Variants in ITPR1 observed in about 807,000 individuals in gnomAD.
The protein encoded by ITPR1 is inositol 1,4,5-trisphosphate receptor type 1, also known as inositol 1,4,5-trisphosphate-gated calcium channel ITPR1.
A neutral mutation model predicts 318.4 loss-of-function variants in ITPR1; 96 were observed. That is an observed-to-expected ratio of 0.30 (90% confidence interval 0.26 to 0.36). The LOEUF is 0.36. Ranked by LOEUF, ITPR1 falls within the 10% of genes least tolerant of loss-of-function variation. The pLI, the probability that ITPR1 is intolerant of heterozygous loss-of-function variation, is 1.00. For synonymous variants in ITPR1, 1,312 were observed against 1,289.9 expected (o/e 1.02, Z -0.37); for missense variants, 2,440 against 3,460.2 (o/e 0.71, Z 7.40).
At chr3:4,806,377 C>G in intron 55 of ITPR1, 110 bp downstream of exon 55, 2 of 1,075,184 alleles carry the variant, frequency 1.9e-6, no homozygotes, top group Non-Finnish European at 1.4e-6. Flanking sequence ...TGTGCCTGGT[C>G]CACCAAGATT....
At chr3:4,688,267 C>T (rs1352521573) in intron 30 of ITPR1, among the ~76,000 whole-genome samples, 4 of 151,310 alleles carry the variant, frequency 2.6e-5, no homozygotes, top group Admixed American at 1.3e-4. Flanking sequence ...ATTAGCCTTA[C>T]TCTGCAGTGC....
At chr3:4,661,117 TG>T in intron 14 of ITPR1, 30 bp downstream of exon 14, 2 of 1,300,922 alleles carry the variant, frequency 1.5e-6, no homozygotes, top group Non-Finnish European at 2.2e-6. Context: ...TGTCTCCTTT[TG>T]GTCTCGTGTT....
intron 33 of ITPR1, among the ~76,000 whole-genome samples, chr3:4,696,462 G>T (rs563847643): frequency 6.6e-6 from 1 of 152,306 alleles, no homozygotes; most frequent in African/African-American, 2.4e-5. Context: ...ATGTTGCTGA[G>T]TAATTTTCTA....
intron 4 of ITPR1, among the ~76,000 whole-genome samples, chr3:4,627,450 G>A (rs2092868678): frequency 6.6e-6 from 1 of 151,964 alleles, no homozygotes; most frequent in Non-Finnish European, 1.5e-5. Flanking sequence ...GGTGACAGAG[G>A]GAGACTCAGT....
At chr3:4,681,755 A>G (rs775263828) in intron 26 of ITPR1, among the ~76,000 whole-genome samples, 4 of 152,084 alleles carry the variant, frequency 2.6e-5, no homozygotes, top group Non-Finnish European at 5.9e-5. Context: ...AAAGAAGAAT[A>G]GAAAGAGAGA....
At position 4,657,783 on chromosome 3, in the gene ITPR1, C is replaced by T. The variant is rs552918770; in HGVS notation, c.997-341C>T. Among the ~76,000 whole-genome samples, 9 of 151,966 alleles carry T rather than the reference C, an allele frequency of 5.9e-5. No homozygotes were observed. In the South Asian group the frequency reaches 1.9e-3, roughly 32 times the overall value. ...GCCAGCCTGGGCTAATTTTTTGTAT[C>T]TTTAGTAGAGACGGGGTTTCATTAT... On this transcript the variant is annotated intron_variant, in intron 12 of 61. Coordinates refer to ENST00000649015, the MANE Select transcript of ITPR1 (RefSeq NM_001378452.1).
intron 29 of ITPR1, 150 bp downstream of exon 29, chr3:4,684,496 A>C: frequency 7.9e-6 from 5 of 630,456 alleles, no homozygotes; most frequent in Non-Finnish European, 1.4e-5. Flanking sequence ...GGTTAAGCTC[A>C]TGGGTTTTGG....
At position 4,644,154 on chromosome 3, in the gene ITPR1, G is replaced by A. The variant is rs1559599836; in HGVS notation, c.544G>A (p.Val182Met). The stretch of plus-strand genomic sequence containing the variant: ...ATTCCAGGTGGTCATAGGTGACAAG[G>A]TGGTTCTGAACCCCGTCAATGCTGG... ...IGDSVVIGDK[V>M]VLNPVNAGQP... The change falls in exon 8 of 62, where the codon GTG becomes ATG. Residue 182 changes from valine to methionine, a missense_variant. Around this residue, in one of 23 missense-constraint regions of ITPR1, gnomAD observed 186 missense variants for 323.9 expected, o/e 0.57. Coordinates refer to ENST00000649015, the MANE Select transcript of ITPR1 (RefSeq NM_001378452.1). 6.2e-7 allele frequency: 1 copy of A among 1,611,592 alleles called. No individual in the cohort carries two copies. Among genetic ancestry groups the A allele is most frequent in the Non-Finnish European group, 8.5e-7 (1 of 1,178,814 alleles).
intron 44 of ITPR1, among the ~76,000 whole-genome samples, chr3:4,746,961 T>A (rs890186065): frequency 2.0e-5 from 3 of 152,218 alleles, no homozygotes; most frequent in African/African-American, 7.2e-5. Context: ...TCTGACCCAG[T>A]GTGGCCACCG....
intron 42 of ITPR1, among the ~76,000 whole-genome samples, chr3:4,727,915 ACACATGAG>A (rs2042637643): frequency 6.6e-6 from 1 of 152,302 alleles, no homozygotes; most frequent in African/African-American, 2.4e-5. Flanking sequence ...TATTTTTTAT[ACACATGAG>A]CACATGTGCC....
At chr3:4,747,349 G>A (rs2044182883) in intron 44 of ITPR1, among the ~76,000 whole-genome samples, 1 of 152,216 alleles carries the variant, frequency 6.6e-6, no homozygotes, top group Non-Finnish European at 1.5e-5. Flanking sequence ...CAGAGTCACA[G>A]AGCCAGCTGG....
chr3:4,734,933 C>A (rs2043169221), intron 43 of ITPR1, among the ~76,000 whole-genome samples: 1 of 152,162 alleles, frequency 6.6e-6, no homozygotes. Flanking sequence ...TTTCATCTTA[C>A]CTGTCTGAAT....
chr3:4,836,642 G>A, intron 60 of ITPR1, 132 bp from the exon 61 acceptor site: 2 of 892,646 alleles, frequency 2.2e-6, no homozygotes, highest in East Asian at 3.1e-5. Flanking sequence ...CAGCACATAA[G>A]TTCTGCCATA....
At chr3:4,738,442 A>C (rs2043440123) in intron 44 of ITPR1, among the ~76,000 whole-genome samples, 1 of 152,164 alleles carries the variant, frequency 6.6e-6, no homozygotes, top group Non-Finnish European at 1.5e-5. Flanking sequence ...ATACTTGGTA[A>C]ATGTTGGCTG....
rs5846332 is a variant in ITPR1, at chr3:4,721,172, GTATATATATATATATATATA to G, written c.5136+3785_5136+3804del. 8.0e-5 allele frequency among the ~76,000 whole-genome samples: 10 copies of G among 125,080 alleles called. 1 individual carries two copies. The highest frequency in any genetic ancestry group is 2.9e-4 in the African/African-American group (8 of 27,530). The allele number at this position is 125,080 out of a possible 152,430, so 82.1% of individuals were successfully genotyped here. Reference sequence around the variant, plus strand: ...TGTGTGTAGATACGTGTGTGTGCGTGTATATATATATATATATATATATATATATATGCATATCACTGAGA... The same window carrying G: ...TGTGTGTAGATACGTGTGTGTGCGTGTATATATATATGCATATCACTGAGA... On this transcript the variant is annotated intron_variant, in intron 40 of 61. Coordinates refer to ENST00000649015, the MANE Select transcript of ITPR1 (RefSeq NM_001378452.1).
chr3:4,684,985 C>A, intron 29 of ITPR1, 84 bp from the exon 30 acceptor site: 1 of 1,387,104 alleles, frequency 7.2e-7, no homozygotes, highest in Non-Finnish European at 1.0e-6. Context: ...ATCCCCTTTG[C>A]CTCCCTGCCC....
chr3:4,766,239 G>A (rs1301739800), intron 44 of ITPR1, among the ~76,000 whole-genome samples: 1 of 152,232 alleles, frequency 6.6e-6, no homozygotes, highest in Non-Finnish European at 1.5e-5. Context: ...AAGGGTGGAA[G>A]GGAATTGTTC....
chr3:4,668,513 G>T (rs1333322546), intron 18 of ITPR1, among the ~76,000 whole-genome samples: 2 of 151,618 alleles, frequency 1.3e-5, no homozygotes, highest in African/African-American at 4.9e-5. Flanking sequence ...TGTCACCCAG[G>T]CTGGAGGGCA....
chr3:4,828,082 C>T (rs555258744), intron 60 of ITPR1, among the ~76,000 whole-genome samples: 15 of 152,016 alleles, frequency 9.9e-5, no homozygotes, highest in East Asian at 1.9e-4. Flanking sequence ...TGAGATGGAA[C>T]GTGGTTGCGT....
Sources: gnomAD v4.1 joint callset for allele counts (sites outside exome capture counted in the v4.1 genomes callset) on GRCh38, gnomAD v4.1.1 for gene constraint, gnomAD v4.1.1 regional missense constraint, MANE v1.5 for transcripts, NCBI Gene and HGNC (gene_info 2026-07-23, HGNC 2026-07-21) for gene names.